Variants in ALG1L2 observed in about 807,000 individuals in gnomAD.
The protein encoded by ALG1L2 is ALG1 chitobiosyldiphosphodolichol beta-mannosyltransferase like 2.
A neutral mutation model predicts 29.0 loss-of-function variants in ALG1L2; 32 were observed. The observed-to-expected ratio is 1.10, with a 90% CI of 0.83 to 1.48. ALG1L2 has a LOEUF of 1.48. ALG1L2 is among the 40% of genes most tolerant of loss of function. ALG1L2 has a pLI of 0.00. For missense variants in ALG1L2, 318 were observed against 274.1 expected (o/e 1.16, Z -1.13); for synonymous variants, 110 against 109.5 (o/e 1.00, Z -0.03).
At chr3:130,097,386 A>G (rs1935165910) in intron 7 of ALG1L2, 136 bp downstream of exon 7, 4 of 1,395,028 alleles carry the variant, frequency 2.9e-6, no homozygotes, top group Non-Finnish European at 3.8e-6. Context: ...AGGGAGCAGA[A>G]GTCACAGAGG....
intron 2 of ALG1L2, 90 bp downstream of exon 2, chr3:130,091,461 C>T: frequency 4.4e-6 from 6 of 1,372,968 alleles, no homozygotes; most frequent in Non-Finnish European, 6.0e-6. Context: ...ACCCACTCAT[C>T]CAGGGATTGG....
At chr3:130,086,979 C>T (rs1234406413) in intron 1 of ALG1L2, among the ~76,000 whole-genome samples, 3 of 151,340 alleles carry the variant, frequency 2.0e-5, no homozygotes, top group African/African-American at 7.2e-5. Context: ...GCTCCAGGTT[C>T]CAGAACCTTC....
rs145198645 is a variant in ALG1L2 at position 130,086,190 on chromosome 3, T to C, written c.20+4154T>C. Among the ~76,000 whole-genome samples the C allele has an allele frequency of 2.0e-4, 30 of 151,316 alleles. 1 individual carries two copies. The East Asian group carries it at 3.5e-3, about 17-fold the overall frequency. ...TTAATCTGTGGGTAAAAAGGCCTTG[T>C]TTGTCAGCAGCTCAGGGGATGCCTT... On this transcript the variant is annotated intron_variant, in intron 1 of 7. Coordinates refer to ENST00000425059, the MANE Select transcript of ALG1L2 (RefSeq NM_001136152.1).
At chr3:130,095,964 G>A (rs1191373243) in intron 5 of ALG1L2, 85 bp from the exon 6 acceptor site, 11 of 786,630 alleles carry the variant, frequency 1.4e-5, no homozygotes, top group South Asian at 4.0e-5. Flanking sequence ...CACTCCCCTC[G>A]GGGGGTGTTG....
Position 130,091,202 on chromosome 3 carries a change from A to G in ALG1L2, c.21-59A>G, listed in dbSNP as rs568357311. 240 of 1,524,742 alleles carry G rather than the reference A, an allele frequency of 1.6e-4. 5 individuals carry two copies. In the South Asian group the frequency reaches 2.7e-3, roughly 17 times the overall value. The allele number at this position is 1,524,742 out of a possible 1,614,324, so 94.5% of individuals were successfully genotyped here. On this transcript the variant is annotated intron_variant, in intron 1 of 7. Coordinates refer to ENST00000425059, the MANE Select transcript of ALG1L2 (RefSeq NM_001136152.1). ...GCATGGAACCCAAATGAGTGGTTTGAGCAGAAAGTAGCCTCCATGCTGGAC... is the reference window on the plus strand; with the variant it reads ...GCATGGAACCCAAATGAGTGGTTTGGGCAGAAAGTAGCCTCCATGCTGGAC...
intron 1 of ALG1L2, among the ~76,000 whole-genome samples, chr3:130,087,738 A>T (rs931418644): frequency 8.0e-6 from 1 of 124,612 alleles, no homozygotes; most frequent in Non-Finnish European, 1.9e-5. Context: ...TGTCTGGAAA[A>T]ATAATAATAA....
rs564394739 is a variant in ALG1L2, at chr3:130,097,077, C to A, written c.540-98C>A. ...CACACACCCTGTTCCAACCCCCAGC[C>A]TGGCTTGAGCGTGGGGTGGGTGGGA... On this transcript the variant is annotated intron_variant, in intron 6 of 7. Transcript: ENST00000425059. 9.3e-4 allele frequency: 1,439 copies of A among 1,549,698 alleles called. 2 individuals carry two copies. The highest frequency in any genetic ancestry group is 1.2e-3 in the Non-Finnish European group (1,377 of 1,148,352).
chr3:130,088,853 A>G (rs1559785981), intron 1 of ALG1L2, among the ~76,000 whole-genome samples: 1 of 152,418 alleles, frequency 6.6e-6, no homozygotes, highest in Middle Eastern at 3.4e-3. Flanking sequence ...CTGTGAGTCC[A>G]TTAAACCTCT....
chr3:130,089,946 G>A (rs1468737455), intron 1 of ALG1L2, among the ~76,000 whole-genome samples: 2 of 152,310 alleles, frequency 1.3e-5, no homozygotes, highest in South Asian at 2.1e-4. Flanking sequence ...GGAGGCTGAG[G>A]TAGGAGAATC....
Position 130,097,343 on chromosome 3 carries a change from G to T in ALG1L2, c.615+93G>T. ...GATCCCTGTTTCACACAGCCAGGGT[G>T]GGACCATGCGGGGTCTGGCGGAAAA... On this transcript the variant is annotated intron_variant, in intron 7 of 7. Coordinates refer to ENST00000425059, the MANE Select transcript of ALG1L2 (RefSeq NM_001136152.1). 3 of 1,527,096 alleles carry T rather than the reference G, an allele frequency of 2.0e-6. No individual in the cohort carries two copies. In the South Asian group the frequency reaches 3.7e-5, roughly 19 times the overall value. 94.6% of individuals were successfully genotyped at this position (1,527,096 alleles called of 1,614,324 possible).
At chr3:130,093,202 G>T (rs756653317) in intron 4 of ALG1L2, 42 bp downstream of exon 4, 3 of 1,593,260 alleles carry the variant, frequency 1.9e-6, no homozygotes, top group Non-Finnish European at 2.6e-6. Context: ...TTGGGGGATG[G>T]TGGAGGGGGA....
intron 1 of ALG1L2, among the ~76,000 whole-genome samples, chr3:130,086,043 G>A (rs1471999950): frequency 1.3e-5 from 2 of 151,508 alleles, no homozygotes; most frequent in African/African-American, 2.4e-5. Context: ...TTTTGTTCAC[G>A]GGCCACCAGG....
Position 130,091,979 on chromosome 3 carries a change from G to C in ALG1L2, c.132-122G>C, listed in dbSNP as rs139833865. The C allele has an allele frequency of 7.6e-4, 1,145 of 1,508,044 alleles. 4 individuals are homozygous for C. In the African/African-American group the frequency reaches 0.014, roughly 18 times the overall value. The allele number at this position is 1,508,044 out of a possible 1,614,324, so 93.4% of individuals were successfully genotyped here. A position where few individuals can be genotyped will look rare whatever the true frequency, so the allele number is the denominator to read the frequency against. On this transcript the variant is annotated intron_variant, in intron 2 of 7. Transcript: ENST00000425059. ...CGATTGGCAGGGGTGGCCTGGTGCT[G>C]CTGATGCAGCCGGGCACCCCAACCG...
chr3:130,089,088 C>T (rs1010214300), intron 1 of ALG1L2, among the ~76,000 whole-genome samples: 1 of 85,636 alleles, frequency 1.2e-5, no homozygotes, highest in African/African-American at 4.0e-5. Context: ...ACTCCTTGCA[C>T]CCCTGGCCCT....
At chr3:130,086,581 G>A (rs1352802838) in intron 1 of ALG1L2, among the ~76,000 whole-genome samples, 7 of 150,228 alleles carry the variant, frequency 4.7e-5, no homozygotes, top group African/African-American at 1.5e-4. Flanking sequence ...GGAGGCTAAG[G>A]CAGGAGGATT....
intron 2 of ALG1L2, 35 bp from the exon 3 acceptor site, chr3:130,092,066 G>A: frequency 1.9e-6 from 3 of 1,610,314 alleles, no homozygotes; most frequent in Non-Finnish European, 2.5e-6. Flanking sequence ...GGCCTGCTCT[G>A]TGGCCTCTCA....
At chr3:130,088,994 A>T (rs1934952522) in intron 1 of ALG1L2, among the ~76,000 whole-genome samples, 1 of 152,294 alleles carries the variant, frequency 6.6e-6, no homozygotes, top group Non-Finnish European at 1.5e-5. Context: ...AATCCTTGTG[A>T]TGTCCAGCTG....
chr3:130,096,915 T>A (rs1258258270), intron 6 of ALG1L2, among the ~76,000 whole-genome samples: 13 of 152,218 alleles, frequency 8.5e-5, no homozygotes, highest in African/African-American at 3.1e-4. Flanking sequence ...TCTTCAGTCC[T>A]TGAAGAGCAT....
intron 4 of ALG1L2, 40 bp from the exon 5 acceptor site, chr3:130,094,362 CA>C (rs1559788246): frequency 6.3e-7 from 1 of 1,579,802 alleles, no homozygotes; most frequent in Non-Finnish European, 8.6e-7. Flanking sequence ...GTGGCAGGGA[CA>C]GAGACGGGTT....
Sources: allele counts gnomAD v4.1 joint callset (sites outside exome capture counted in the v4.1 genomes callset), GRCh38; gene constraint gnomAD v4.1.1; transcripts MANE v1.5; gene names NCBI Gene and HGNC (gene_info 2026-07-23, HGNC 2026-07-21).